EPHA6: variants seen among roughly 807,000 people sequenced by gnomAD.
The protein encoded by EPHA6 is ephrin type-A receptor 6.
EPHA6 carries 50 observed loss-of-function variants against 112.0 expected under a neutral mutation model. The observed-to-expected ratio is 0.45, with a 90% CI of 0.36 to 0.56. The LOEUF (loss-of-function observed/expected upper bound fraction) is 0.56, where lower values mean the gene tolerates loss of function less well. EPHA6 is among the 20% of genes least tolerant of loss of function. The pLI is 0.00. For missense variants in EPHA6, 1,280 were observed against 1,417.4 expected, an observed-to-expected ratio of 0.90 and a Z score of 1.56; for synonymous variants, 529 against 490.7, an observed-to-expected ratio of 1.08 and a Z score of -1.03.
intron 4 of EPHA6, among the ~76,000 whole-genome samples, chr3:97,235,361 G>C (rs1223004800): frequency 1.3e-5 from 2 of 152,004 alleles, no homozygotes; most frequent in Non-Finnish European, 2.9e-5. Flanking sequence ...ATCAAGCCTA[G>C]CTTTTGTTTC....
intron 5 of EPHA6, among the ~76,000 whole-genome samples, chr3:97,372,572 C>T (rs1559932485): frequency 6.6e-6 from 1 of 151,986 alleles, no homozygotes; most frequent in East Asian, 1.9e-4. Flanking sequence ...TGTAAACAAC[C>T]TCTGTTATTG....
Position 97,144,078 on chromosome 3 carries a change from T to C in EPHA6, c.1115-82186T>C, listed in dbSNP as rs2075978165. The stretch of plus-strand genomic sequence containing the variant: ...GTGATAGTTATTTTTATCAAGCATT[T>C]GTGTATAACAACCCTCCCTTAATTT... On this transcript the variant is annotated intron_variant, in intron 3 of 17. Coordinates refer to ENST00000389672, the MANE Select transcript of EPHA6 (RefSeq NM_001080448.3). Among the ~76,000 whole-genome samples, 2 of 151,836 alleles carry C rather than the reference T, an allele frequency of 1.3e-5. 1 individual carries two copies. The highest frequency in any genetic ancestry group is 6.8e-3 in the Middle Eastern group (2 of 294).
At chr3:97,669,471 A>T (rs946373181) in intron 14 of EPHA6, among the ~76,000 whole-genome samples, 3 of 151,890 alleles carry the variant, frequency 2.0e-5, no homozygotes, top group African/African-American at 7.3e-5. Flanking sequence ...GTACATTTTT[A>T]AAAATGCAGA....
intron 2 of EPHA6, among the ~76,000 whole-genome samples, chr3:96,905,188 G>T (rs1165714102): frequency 6.6e-6 from 1 of 151,998 alleles, no homozygotes; most frequent in East Asian, 1.9e-4. Flanking sequence ...ATATACTTAT[G>T]CTACTGCAAA....
chr3:97,648,321 T>C (rs1023573446), intron 14 of EPHA6: 8 of 1,459,070 alleles, frequency 5.5e-6, no homozygotes, highest in Middle Eastern at 1.7e-4. Flanking sequence ...ACCTCTGCTA[T>C]TCTGCATAAA....
intron 3 of EPHA6, among the ~76,000 whole-genome samples, chr3:96,997,120 C>T (rs527826009): frequency 2.1e-4 from 32 of 151,990 alleles, no homozygotes; most frequent in Non-Finnish European, 3.5e-4. Context: ...GCAGCTTCCT[C>T]CCCTCACTCA....
intron 11 of EPHA6, among the ~76,000 whole-genome samples, chr3:97,538,742 C>T (rs2092796930): frequency 1.3e-5 from 2 of 152,108 alleles, no homozygotes; most frequent in Non-Finnish European, 2.9e-5. Flanking sequence ...GATTGAGAAG[C>T]GTCCATTGGA....
At chr3:96,835,634 T>G (rs1262551471) in intron 1 of EPHA6, among the ~76,000 whole-genome samples, 1 of 152,048 alleles carries the variant, frequency 6.6e-6, no homozygotes, top group Non-Finnish European at 1.5e-5. Flanking sequence ...CTAAGTGGTT[T>G]TTGCTTTATC....
chr3:97,736,486 T>TGC (rs1300006366), intron 16 of EPHA6, among the ~76,000 whole-genome samples: 2 of 151,264 alleles, frequency 1.3e-5, no homozygotes, highest in African/African-American at 4.9e-5. Flanking sequence ...TGTGTGTGTG[T>TGC]GTGTGTGTGT....
intron 3 of EPHA6, among the ~76,000 whole-genome samples, chr3:97,086,411 C>T (rs758083955): frequency 6.6e-6 from 1 of 151,964 alleles, no homozygotes; most frequent in Non-Finnish European, 1.5e-5. Context: ...CTTACATTTA[C>T]AATTCATTAA....
intron 5 of EPHA6, among the ~76,000 whole-genome samples, chr3:97,317,262 A>G (rs562627225): frequency 3.0e-4 from 45 of 152,108 alleles, no homozygotes; most frequent in Admixed American, 1.6e-3. Context: ...AATGGTTGGA[A>G]CTACTGAAGA....
chr3:97,230,601 C>T (rs746561584), intron 4 of EPHA6, among the ~76,000 whole-genome samples: 3 of 152,066 alleles, frequency 2.0e-5, no homozygotes, highest in Middle Eastern at 6.3e-3. Context: ...TTTCCTTCTA[C>T]GCTTCATAGT....
At chr3:97,230,222 T>G (rs1409608071) in intron 4 of EPHA6, among the ~76,000 whole-genome samples, 1 of 152,116 alleles carries the variant, frequency 6.6e-6, no homozygotes, top group Non-Finnish European at 1.5e-5. Context: ...AGGAAATAAG[T>G]TCCCATCAAT....
At chr3:96,990,519 T>A (rs953319232) in intron 3 of EPHA6, among the ~76,000 whole-genome samples, 4 of 152,268 alleles carry the variant, frequency 2.6e-5, no homozygotes, top group East Asian at 3.9e-4. Flanking sequence ...GTGTTTTTTT[T>A]AAATTTATAA....
At position 97,750,074 on chromosome 3, in the gene EPHA6, T is replaced by C. The variant is rs529012427; in HGVS notation, c.*1373T>C. ...CTTATCAAAATTGTGCTATATCTTA[T>C]GAACAAATTAAATTATAAAATCAGC... On this transcript the variant is annotated 3_prime_UTR_variant, in exon 18 of 18. Coordinates refer to ENST00000389672, the MANE Select transcript of EPHA6 (RefSeq NM_001080448.3). 5.3e-5 allele frequency among the ~76,000 whole-genome samples: 8 copies of C among 152,252 alleles called. No individual in the cohort carries two copies. The South Asian group carries it at 1.7e-3, about 32-fold the overall frequency.
chr3:97,715,731 A>C (rs1258080583), intron 14 of EPHA6, among the ~76,000 whole-genome samples: 5 of 152,224 alleles, frequency 3.3e-5, no homozygotes, highest in Admixed American at 3.3e-4. Flanking sequence ...CCTATAATAC[A>C]ACTCCACTCT....
At chr3:97,521,963 C>T (rs1224989658) in intron 10 of EPHA6, among the ~76,000 whole-genome samples, 1 of 151,180 alleles carries the variant, frequency 6.6e-6, no homozygotes, top group African/African-American at 2.4e-5. Flanking sequence ...TTGCTCTGTT[C>T]CCTGGTCTGG....
chr3:97,142,674 A>T (rs1258270245), intron 3 of EPHA6, among the ~76,000 whole-genome samples: 1 of 151,858 alleles, frequency 6.6e-6, no homozygotes, highest in Non-Finnish European at 1.5e-5. Context: ...CAGTAATAAA[A>T]CATCTTCCAA....
At position 97,750,314 on chromosome 3, in the gene EPHA6, T is replaced by G. The variant is rs928523226; in HGVS notation, c.*1613T>G. Among the ~76,000 whole-genome samples the G allele has an allele frequency of 2.0e-5, 3 of 151,524 alleles. No homozygotes were observed. The highest frequency in any genetic ancestry group is 4.4e-5 in the Non-Finnish European group (3 of 67,862). ...ATAGTAGTGGTTTTTTTTTTTTAAA[T>G]AAAGGACCCTGTTTTTGTTTTTTGT... On this transcript the variant is annotated 3_prime_UTR_variant, in exon 18 of 18. Coordinates refer to ENST00000389672, the MANE Select transcript of EPHA6 (RefSeq NM_001080448.3).
Sources: allele counts gnomAD v4.1 joint callset (sites outside exome capture counted in the v4.1 genomes callset), GRCh38; gene constraint gnomAD v4.1.1; transcripts MANE v1.5; gene names NCBI Gene and HGNC (gene_info 2026-07-23, HGNC 2026-07-21).